Variants in CADM2 observed in about 807,000 individuals in gnomAD.
The protein encoded by CADM2 is cell adhesion molecule 2, also known as immunoglobulin superfamily member 4D.
A neutral mutation model predicts 49.8 loss-of-function variants in CADM2; 12 were observed. That is an observed-to-expected ratio of 0.24 (90% CI 0.15 to 0.39). The LOEUF (loss-of-function observed/expected upper bound fraction) is 0.39, where lower values mean the gene tolerates loss of function less well. CADM2 is among the 10% of genes least tolerant of loss of function. CADM2 has a pLI of 1.00. For synonymous variants in CADM2, 214 were observed against 175.4 expected, an observed-to-expected ratio of 1.22 and a Z score of -1.74; for missense variants, 378 against 492.3, an observed-to-expected ratio of 0.77 and a Z score of 2.20.
At chr3:85,923,228 G>A (rs1409640072) in intron 6 of CADM2, among the ~76,000 whole-genome samples, 1 of 152,118 alleles carries the variant, frequency 6.6e-6, no homozygotes, top group Non-Finnish European at 1.5e-5. Flanking sequence ...ATCATAAAAG[G>A]TAAAAGAACA....
intron 1 of CADM2, among the ~76,000 whole-genome samples, chr3:84,983,203 G>T (rs529840278): frequency 6.6e-6 from 1 of 151,894 alleles, no homozygotes; most frequent in African/African-American, 2.4e-5. Context: ...CTCACTAAAA[G>T]ACCATTTAAA....
At position 86,072,952 on chromosome 3, in the gene CADM2, G is replaced by A. The variant is rs1470144386; in HGVS notation, c.*6169G>A. 6.6e-6 allele frequency: 1 copy of A among 151,900 alleles called. No individual in the cohort carries two copies. Among genetic ancestry groups the A allele is most frequent in the Non-Finnish European group, 1.5e-5 (1 of 67,946 alleles). The allele number at this position is 151,900 out of a possible 1,614,324, so 9.4% of individuals were successfully genotyped here. ...AATCTTTTTACAAATTTATTTAACT[G>A]TACCTACTGTACTTATTGTAGATTC... On this transcript the variant is annotated 3_prime_UTR_variant, in exon 10 of 10. Coordinates refer to ENST00000383699, the MANE Select transcript of CADM2 (RefSeq NM_001167675.2).
At chr3:85,852,358 C>G (rs1042399213) in intron 3 of CADM2, among the ~76,000 whole-genome samples, 1 of 151,918 alleles carries the variant, frequency 6.6e-6, no homozygotes, top group Admixed American at 6.6e-5. Context: ...GTTTTTTTCT[C>G]TCTCCAGAAG....
intron 1 of CADM2, among the ~76,000 whole-genome samples, chr3:85,496,718 T>G (rs756033031): frequency 2.6e-5 from 4 of 152,226 alleles, no homozygotes; most frequent in Non-Finnish European, 4.4e-5. Flanking sequence ...TTTTTTGATA[T>G]TTTAATAATA....
intron 1 of CADM2, among the ~76,000 whole-genome samples, chr3:85,579,094 A>G (rs1470008286): frequency 6.6e-6 from 1 of 152,202 alleles, no homozygotes; most frequent in Non-Finnish European, 1.5e-5. Context: ...AAGATTTTCT[A>G]GGTACCTCTG....
At chr3:85,674,948 T>C (rs1478357523) in intron 1 of CADM2, among the ~76,000 whole-genome samples, 1 of 152,182 alleles carries the variant, frequency 6.6e-6, no homozygotes, top group African/African-American at 2.4e-5. Flanking sequence ...CATCTTGACT[T>C]AGCTAAGTCA....
intron 8 of CADM2, among the ~76,000 whole-genome samples, chr3:86,048,189 A>G (rs578225275): frequency 5.6e-4 from 80 of 141,892 alleles, no homozygotes; most frequent in Non-Finnish European, 1.0e-3. Flanking sequence ...TGATTATGTT[A>G]TTTTATTTTC....
Position 86,008,220 on chromosome 3 carries a change from G to A in CADM2, c.970+46573G>A, listed in dbSNP as rs138774257. Among the ~76,000 whole-genome samples, 41 of 152,196 alleles carry A rather than the reference G, an allele frequency of 2.7e-4. No individual in the cohort carries two copies. The East Asian group carries it at 7.2e-3, about 27-fold the overall frequency. ...TAGTCAAGGAAAATCTTACTTTGTA[G>A]ACTGGGAATGAAAGACACGTGCAGC... On this transcript the variant is annotated intron_variant, in intron 8 of 9. Coordinates refer to ENST00000383699, the MANE Select transcript of CADM2 (RefSeq NM_001167675.2).
intron 1 of CADM2, among the ~76,000 whole-genome samples, chr3:84,985,357 C>A (rs566312361): frequency 6.6e-6 from 1 of 152,130 alleles, no homozygotes; most frequent in African/African-American, 2.4e-5. Context: ...AAATATGGTT[C>A]ATTAAACCTA....
At chr3:85,777,348 C>T (rs1439321155) in intron 2 of CADM2, among the ~76,000 whole-genome samples, 1 of 151,826 alleles carries the variant, frequency 6.6e-6, no homozygotes, top group African/African-American at 2.4e-5. Context: ...CTCCGCCTCC[C>T]GGGTTCAAGC....
intron 1 of CADM2, among the ~76,000 whole-genome samples, chr3:85,505,025 C>T (rs932344760): frequency 6.6e-6 from 1 of 152,102 alleles, no homozygotes; most frequent in Non-Finnish European, 1.5e-5. Context: ...CCGGAAGCGC[C>T]GCGCGCAGCC....
chr3:85,022,312 T>C lies in CADM2; in HGVS notation c.61+62644T>C, dbSNP rs2034544582. 5.9e-5 allele frequency among the ~76,000 whole-genome samples: 9 copies of C among 152,206 alleles called. 1 individual carries two copies. Among genetic ancestry groups the C allele is most frequent in the Admixed American group, 5.2e-4 (8 of 15,280 alleles). ...TTTGAGTTTATGCTTGTAACTTGGA[T>C]ACACTTTGTGCTTGTAACTTAAGGG... On this transcript the variant is annotated intron_variant, in intron 1 of 9. Transcript: ENST00000383699.
chr3:85,686,333 C>A (rs886533700), intron 1 of CADM2, among the ~76,000 whole-genome samples: 2 of 152,122 alleles, frequency 1.3e-5, no homozygotes, highest in African/African-American at 4.8e-5. Flanking sequence ...TTTGGCCTCT[C>A]AGTTGCCTTC....
At chr3:85,794,796 C>T (rs1577326511) in intron 2 of CADM2, among the ~76,000 whole-genome samples, 1 of 152,094 alleles carries the variant, frequency 6.6e-6, no homozygotes, top group African/African-American at 2.4e-5. Context: ...ACACTCTCTC[C>T]TAAAGTATCT....
Position 85,070,053 on chromosome 3 carries a change from T to C in CADM2, c.61+110385T>C, listed in dbSNP as rs531281873. On this transcript the variant is annotated intron_variant, in intron 1 of 9. Transcript: ENST00000383699. ...TCAACTTCTTCGAATTTTTTGTATTTTTATTTTCAATAAGCAAAATTTTTT... is the reference window on the plus strand; with the variant it reads ...TCAACTTCTTCGAATTTTTTGTATTCTTATTTTCAATAAGCAAAATTTTTT... Among the ~76,000 whole-genome samples, 3 of 152,308 alleles carry C rather than the reference T, an allele frequency of 2.0e-5. No homozygotes were observed. In the East Asian group the frequency reaches 5.8e-4, roughly 29 times the overall value.
chr3:86,044,542 A>G (rs1396333509), intron 8 of CADM2, among the ~76,000 whole-genome samples: 1 of 152,214 alleles, frequency 6.6e-6, no homozygotes, highest in Non-Finnish European at 1.5e-5. Context: ...AATGGCGATC[A>G]TTAAACAGTC....
chr3:85,112,969 T>G (rs975872685), intron 1 of CADM2, among the ~76,000 whole-genome samples: 1 of 152,034 alleles, frequency 6.6e-6, no homozygotes, highest in Admixed American at 6.6e-5. Context: ...ATATACAATT[T>G]AATAACAAAT....
chr3:85,075,557 T>A (rs1479910812), intron 1 of CADM2, among the ~76,000 whole-genome samples: 35 of 152,174 alleles, frequency 2.3e-4, no homozygotes, highest in Admixed American at 2.3e-3. Flanking sequence ...GTCAACTATT[T>A]TAACTTGTTT....
chr3:85,189,928 C>T (rs1465210233), intron 1 of CADM2, among the ~76,000 whole-genome samples: 1 of 145,638 alleles, frequency 6.9e-6, no homozygotes, highest in Non-Finnish European at 1.5e-5. Context: ...AAGCAGCTTA[C>T]ACAAGGTAGC....
Sources: allele counts gnomAD v4.1 joint callset (sites outside exome capture counted in the v4.1 genomes callset), GRCh38; gene constraint gnomAD v4.1.1; transcripts MANE v1.5; gene names NCBI Gene and HGNC (gene_info 2026-07-23, HGNC 2026-07-21).